Variants in CDH11 observed in about 807,000 individuals in gnomAD.
CDH11 encodes the protein cadherin 11.
A neutral mutation model predicts 67.8 loss-of-function variants in CDH11; 11 were observed. The observed-to-expected ratio is 0.16, with a 90% confidence interval of 0.10 to 0.27. CDH11 has a LOEUF of 0.27. Ranked by LOEUF, CDH11 falls within the 10% of genes least tolerant of loss-of-function variation. The pLI is 1.00. For synonymous variants in CDH11, 419 were observed against 400.0 expected, an observed-to-expected ratio of 1.05 and a Z score of -0.57; for missense variants, 847 against 1,031.2, an observed-to-expected ratio of 0.82 and a Z score of 2.45.
At chr16:65,103,884 T>C (rs1290371476) in intron 1 of CDH11, among the ~76,000 whole-genome samples, 1 of 152,218 alleles carries the variant, frequency 6.6e-6, no homozygotes, top group Non-Finnish European at 1.5e-5. Flanking sequence ...TTGTATTGTG[T>C]TATAGTTTTG....
intron 1 of CDH11, among the ~76,000 whole-genome samples, chr16:65,107,738 GTCTCCATGATTCCT>G (rs1164698849): frequency 6.6e-6 from 1 of 152,146 alleles, no homozygotes; most frequent in African/African-American, 2.4e-5. Flanking sequence ...AGGTGTGCTT[GTCTCCATGATTCCT>G]TCTCCAGAAT....
At chr16:65,075,535 C>A (rs2142781591) in intron 1 of CDH11, among the ~76,000 whole-genome samples, 1 of 152,292 alleles carries the variant, frequency 6.6e-6, no homozygotes, top group Non-Finnish European at 1.5e-5. Flanking sequence ...ACCCTTCTTC[C>A]ATTAGGGATT....
In CDH11 at chr16:64,974,494, C is replaced by T. The variant is rs140763184; in HGVS notation, c.1254-1454G>A. 2.2e-3 allele frequency among the ~76,000 whole-genome samples: 342 copies of T among 152,230 alleles called. 3 individuals carry two copies. Among genetic ancestry groups the T allele is most frequent in the African/African-American group, 7.6e-3 (314 of 41,532 alleles). ...TTTCTGGAAGAGACAATATTGGAAG[C>T]CAGATCTTCTAATCCCAGATCATGT... On this transcript the variant is annotated intron_variant, in intron 8 of 12. Transcript: ENST00000268603.
Position 64,945,554 on chromosome 16 carries a change from A to G in CDH11, c.*2049T>C. ...TTCAATTGGAGATCTGTGCAAATCT[A>G]GCAAAATATTCTTTGGATTACAAAA... On this transcript the variant is annotated 3_prime_UTR_variant, in exon 13 of 13. Coordinates refer to ENST00000268603, the MANE Select transcript of CDH11 (RefSeq NM_001797.4). 9.7e-7 allele frequency: 1 copy of G among 1,030,420 alleles called. No individual in the cohort carries two copies. Among genetic ancestry groups the G allele is most frequent in the South Asian group, 4.6e-5 (1 of 21,668 alleles). 63.8% of individuals were successfully genotyped at this position (1,030,420 alleles called of 1,614,324 possible).
At chr16:65,024,466 A>G (rs1193068186) in intron 2 of CDH11, among the ~76,000 whole-genome samples, 1 of 152,168 alleles carries the variant, frequency 6.6e-6, no homozygotes, top group Non-Finnish European at 1.5e-5. Context: ...TGTACATCCA[A>G]AGTAAATAAC....
At chr16:65,017,411 T>A in intron 2 of CDH11, among the ~76,000 whole-genome samples, 1 of 152,164 alleles carries the variant, frequency 6.6e-6, no homozygotes, top group East Asian at 1.9e-4. Context: ...GCCTAACTAT[T>A]AGGGTCTCTT....
At chr16:65,100,243 C>A (rs560223195) in intron 1 of CDH11, among the ~76,000 whole-genome samples, 1 of 151,982 alleles carries the variant, frequency 6.6e-6, no homozygotes, top group South Asian at 2.1e-4. Context: ...GTTTGGGATG[C>A]AGCTTGAGGA....
chr16:64,975,023 C>A (rs2072124393), intron 8 of CDH11, among the ~76,000 whole-genome samples: 1 of 152,024 alleles, frequency 6.6e-6, no homozygotes, highest in African/African-American at 2.4e-5. Flanking sequence ...ACTATGTGGC[C>A]CCAGCTTGTC....
chr16:65,102,020 C>A (rs1406673330), intron 1 of CDH11, among the ~76,000 whole-genome samples: 1 of 152,076 alleles, frequency 6.6e-6, no homozygotes, highest in African/African-American at 2.4e-5. Flanking sequence ...TGCATTCATA[C>A]AATATAGACA....
At chr16:65,001,949 A>G (rs2072930521) in intron 3 of CDH11, among the ~76,000 whole-genome samples, 1 of 152,206 alleles carries the variant, frequency 6.6e-6, no homozygotes, top group African/African-American at 2.4e-5. Context: ...TATTTCCACA[A>G]GAAATCTGAA....
chr16:64,993,228 T>TCCTTCCTTCCTTCCTTCCTTCCTC lies in CDH11; in HGVS notation c.524-195_524-194insGAGGAAGGAAGGAAGGAAGGAAGG, dbSNP rs1443206361. Among the ~76,000 whole-genome samples, 12 of 151,866 alleles carry TCCTTCCTTCCTTCCTTCCTTCCTC rather than the reference T, an allele frequency of 7.9e-5. No homozygotes were observed. The South Asian group carries it at 2.1e-3, about 26-fold the overall frequency. On this transcript the variant is annotated intron_variant, in intron 4 of 12. Coordinates refer to ENST00000268603, the MANE Select transcript of CDH11 (RefSeq NM_001797.4). ...TTCCTTCCTTCCTTCCTTCCTTCCT[T>TCCTTCCTTCCTTCCTTCCTTCCTC]CCTTCCTGCTCTATAAAAATGGCCA... is the stretch of plus-strand genomic sequence containing the variant.
At position 64,947,317 on chromosome 16, in the gene CDH11, T is replaced by C. The variant is rs1354466092; in HGVS notation, c.*286A>G. 1.7e-6 allele frequency: 2 copies of C among 1,200,804 alleles called. No individual in the cohort carries two copies. The highest frequency in any genetic ancestry group is 2.7e-5 in the South Asian group (1 of 37,092). The allele number at this position is 1,200,804 out of a possible 1,614,324, so 74.4% of individuals were successfully genotyped here. A position where few individuals can be genotyped will look rare whatever the true frequency, so the allele number is the denominator to read the frequency against. Reference sequence around the variant, plus strand: ...ATAAACAATTTCCCTTCATTGTCAGTTCAGCGTTAGACTTCTCCTTCACTT... The same window carrying C: ...ATAAACAATTTCCCTTCATTGTCAGCTCAGCGTTAGACTTCTCCTTCACTT... On this transcript the variant is annotated 3_prime_UTR_variant, in exon 13 of 13. Coordinates refer to ENST00000268603, the MANE Select transcript of CDH11 (RefSeq NM_001797.4).
intron 1 of CDH11, among the ~76,000 whole-genome samples, chr16:65,109,331 A>ACTG (rs2075118968): frequency 6.6e-6 from 1 of 152,102 alleles, no homozygotes; most frequent in Non-Finnish European, 1.5e-5. Context: ...TCCCCTGCAG[A>ACTG]CTTCACTCCC....
intron 1 of CDH11, among the ~76,000 whole-genome samples, chr16:65,086,739 C>T (rs1431157179): frequency 6.6e-6 from 1 of 152,086 alleles, no homozygotes; most frequent in African/African-American, 2.4e-5. Flanking sequence ...AAACGAGTTT[C>T]CCAGGTAATG....
At position 64,975,769 on chromosome 16, in the gene CDH11, G is replaced by A. The variant is rs146085773; in HGVS notation, c.1254-2729C>T. Among the ~76,000 whole-genome samples, 576 of 152,140 alleles carry A rather than the reference G, an allele frequency of 3.8e-3. 5 individuals carry two copies. The highest frequency in any genetic ancestry group is 0.013 in the African/African-American group (551 of 41,482). On this transcript the variant is annotated intron_variant, in intron 8 of 12. Coordinates refer to ENST00000268603, the MANE Select transcript of CDH11 (RefSeq NM_001797.4). ...TTCCTTTGGATATATGCCCTGTAAT[G>A]AGACAGGATCAATCATACCCCCAAC...
chr16:65,056,592 C>T (rs1208357958), intron 1 of CDH11, among the ~76,000 whole-genome samples: 2 of 152,166 alleles, frequency 1.3e-5, no homozygotes, highest in African/African-American at 4.8e-5. Flanking sequence ...TCCTTAAGCA[C>T]ATATAACCAT....
rs2071170198 is a variant in CDH11 at position 64,945,012 on chromosome 16, T to C, written c.*2591A>G. The C allele has an allele frequency of 4.8e-6, 1 of 209,360 alleles. No homozygotes were observed. The highest frequency in any genetic ancestry group is 9.7e-6 in the Non-Finnish European group (1 of 102,976). The allele number at this position is 209,360 out of a possible 1,614,324, so 13.0% of individuals were successfully genotyped here. A position where few individuals can be genotyped will look rare whatever the true frequency, so the allele number is the denominator to read the frequency against. ...ATCCTCCAGTAAGTGGAACAGGGTT[T>C]ATAAAATAAGATTTTGATGAATTAA... On this transcript the variant is annotated 3_prime_UTR_variant, in exon 13 of 13. Coordinates refer to ENST00000268603, the MANE Select transcript of CDH11 (RefSeq NM_001797.4).
chr16:65,089,443 CCTTGTGAAAACTTG>C (rs2074756418), intron 1 of CDH11, among the ~76,000 whole-genome samples: 1 of 151,854 alleles, frequency 6.6e-6, no homozygotes, highest in South Asian at 2.1e-4. Flanking sequence ...TTCAAATCGC[CCTTGTGAAAACTTG>C]CTCTTAAAAC....
At chr16:65,032,351 A>G (rs987937307) in intron 2 of CDH11, among the ~76,000 whole-genome samples, 1 of 149,832 alleles carries the variant, frequency 6.7e-6, no homozygotes, top group Non-Finnish European at 1.5e-5. Context: ...AAATCCAGGC[A>G]TGGGGGTGGC....
Sources: gnomAD v4.1 joint callset for allele counts (sites outside exome capture counted in the v4.1 genomes callset) on GRCh38, gnomAD v4.1.1 for gene constraint, MANE v1.5 for transcripts, NCBI Gene and HGNC (gene_info 2026-07-23, HGNC 2026-07-21) for gene names.